The following PLA2G4E variants were observed in gnomAD, a reference collection of about 807,000 sequenced individuals.
PLA2G4E encodes phospholipase A2 group IVE.
A neutral mutation model predicts 109.1 loss-of-function variants in PLA2G4E; 84 were observed. That is an observed-to-expected ratio of 0.77 (90% CI 0.65 to 0.92). The LOEUF (loss-of-function observed/expected upper bound fraction) is 0.92, where lower values mean the gene tolerates loss of function less well. PLA2G4E is among the 40% of genes least tolerant of loss of function. The pLI is 0.00. For missense variants in PLA2G4E, 1,057 were observed against 1,076.6 expected, an observed-to-expected ratio of 0.98 and a Z score of 0.25; for synonymous variants, 469 against 436.1, an observed-to-expected ratio of 1.08 and a Z score of -0.94.
At chr15:42,028,966 A>G (rs1435908028) in intron 1 of PLA2G4E, among the ~76,000 whole-genome samples, 1 of 152,224 alleles carries the variant, frequency 6.6e-6, no homozygotes, top group African/African-American at 2.4e-5. Flanking sequence ...AAACATTACA[A>G]GAAAGGACCT....
chr15:41,994,755 T>C (rs1404175131), intron 12 of PLA2G4E, among the ~76,000 whole-genome samples: 1 of 152,262 alleles, frequency 6.6e-6, no homozygotes, highest in East Asian at 1.9e-4. Flanking sequence ...GACAAATGTA[T>C]TCATATTATT....
intron 11 of PLA2G4E, 129 bp from the exon 12 acceptor site, chr15:41,995,625 G>T: frequency 1.7e-6 from 2 of 1,209,138 alleles, no homozygotes; most frequent in Non-Finnish European, 2.3e-6. Flanking sequence ...CAGGGAGTGC[G>T]GCGTTGAGCC....
At chr15:42,035,458 C>T (rs1202056230) in intron 1 of PLA2G4E, among the ~76,000 whole-genome samples, 2 of 152,198 alleles carry the variant, frequency 1.3e-5, no homozygotes, top group African/African-American at 2.4e-5. Context: ...GACTCACCCT[C>T]GTTCTCCTGC....
At chr15:42,020,351 G>T (rs977899394) in intron 1 of PLA2G4E, among the ~76,000 whole-genome samples, 5 of 152,204 alleles carry the variant, frequency 3.3e-5, no homozygotes, top group African/African-American at 1.2e-4. Flanking sequence ...CTATTGCCTA[G>T]ATGGGGAAAC....
intron 1 of PLA2G4E, among the ~76,000 whole-genome samples, chr15:42,043,116 G>A (rs1889345475): frequency 6.6e-6 from 1 of 152,172 alleles, no homozygotes; most frequent in Non-Finnish European, 1.5e-5. Context: ...GCAAGCGGGG[G>A]TGGCTCTGGA....
Position 42,013,441 on chromosome 15 carries a change from G to A in PLA2G4E, c.256+244C>T, listed in dbSNP as rs188896442. 9.2e-5 allele frequency among the ~76,000 whole-genome samples: 14 copies of A among 152,344 alleles called. No homozygotes were observed. In the East Asian group the frequency reaches 2.5e-3, roughly 27 times the overall value. On this transcript the variant is annotated intron_variant, in intron 2 of 19. Coordinates refer to ENST00000399518, the Ensembl canonical transcript of PLA2G4E. ...AGGCACAGACTGCGGGGCAGGTAGC[G>A]CCGAGGGAACAGCATGAACAAGGGG...
At chr15:41,995,285 C>T in intron 12 of PLA2G4E, 75 bp downstream of exon 12, 2 of 1,551,814 alleles carry the variant, frequency 1.3e-6, no homozygotes, top group South Asian at 1.2e-5. Flanking sequence ...CGGGGAGGAG[C>T]TTCACCTGAG....
chr15:42,033,350 AC>A (rs1210909119), intron 1 of PLA2G4E, among the ~76,000 whole-genome samples: 6 of 152,074 alleles, frequency 3.9e-5, no homozygotes, highest in African/African-American at 1.4e-4. Context: ...AAGGCAAAAT[AC>A]CCTGGGGATT....
At chr15:41,992,316 C>A (rs368385959) in intron 13 of PLA2G4E, among the ~76,000 whole-genome samples, 94 of 152,246 alleles carry the variant, frequency 6.2e-4, no homozygotes, top group Middle Eastern at 3.4e-3. Context: ...GGCTGGAGGA[C>A]CCTCCAAGGG....
intron 1 of PLA2G4E, among the ~76,000 whole-genome samples, chr15:42,041,276 G>C (rs1427511286): frequency 6.6e-6 from 1 of 151,966 alleles, no homozygotes; most frequent in African/African-American, 2.4e-5. Context: ...TTGCCTGTTT[G>C]GTTTAATGAG....
At chr15:42,013,539 T>C (rs1213094863) in intron 2 of PLA2G4E, 146 bp downstream of exon 2, 1 of 713,766 alleles carries the variant, frequency 1.4e-6, no homozygotes, top group Non-Finnish European at 2.3e-6. Context: ...TGCACATACA[T>C]GCACACACAT....
In PLA2G4E at chr15:42,013,584, C is replaced by T. The variant is rs555210123; in HGVS notation, c.256+101G>A. 3.0e-4 allele frequency: 345 copies of T among 1,145,568 alleles called. 1 individual carries two copies. The highest frequency in any genetic ancestry group is 2.8e-3 in the Middle Eastern group (14 of 4,974). The allele number at this position is 1,145,568 out of a possible 1,614,324, so 71.0% of individuals were successfully genotyped here. ...CACCATGCACGTGCACACGTGCGCG[C>T]GCACACACACACACGGATCCACCTG... is the stretch of plus-strand genomic sequence containing the variant. On this transcript the variant is annotated intron_variant, in intron 2 of 19. Coordinates refer to ENST00000399518, the Ensembl canonical transcript of PLA2G4E.
At chr15:41,999,744 G>T (rs1449813161) in intron 9 of PLA2G4E, among the ~76,000 whole-genome samples, 173 bp downstream of exon 9, 2 of 152,026 alleles carry the variant, frequency 1.3e-5, no homozygotes, top group Non-Finnish European at 2.9e-5. Context: ...TACACTCTTT[G>T]GACCACACTG....
chr15:42,011,426 C>T (rs1347135791), intron 2 of PLA2G4E, among the ~76,000 whole-genome samples: 1 of 152,204 alleles, frequency 6.6e-6, no homozygotes, highest in Non-Finnish European at 1.5e-5. Flanking sequence ...AGACACACCT[C>T]AAAAGGAGTT....
intron 1 of PLA2G4E, among the ~76,000 whole-genome samples, chr15:42,046,739 T>C (rs575867769): frequency 3.5e-4 from 53 of 152,334 alleles, no homozygotes; most frequent in Admixed American, 1.8e-3. Context: ...GCTCAGTAAA[T>C]ATTTGTTCAA....
At chr15:42,009,518 G>C (rs12439677) in intron 2 of PLA2G4E, among the ~76,000 whole-genome samples, 58,668 of 151,972 alleles carry the variant, frequency 0.39, 11,911 homozygotes, top group South Asian at 0.59. Flanking sequence ...TCCTCCAGGG[G>C]CTCCCTTCTG....
chr15:42,013,042 G>T (rs1415547955), intron 2 of PLA2G4E, among the ~76,000 whole-genome samples: 2 of 152,170 alleles, frequency 1.3e-5, no homozygotes, highest in African/African-American at 4.8e-5. Context: ...GCCTCCATTG[G>T]CCCCCGTGGC....
chr15:41,988,126 A>G, exon 16 of PLA2G4E: 1 of 1,603,700 alleles, frequency 6.2e-7, no homozygotes, highest in Non-Finnish European at 8.5e-7. Flanking sequence ...GGCATCCAGC[A>G]GGTTCAGGGA....
intron 1 of PLA2G4E, among the ~76,000 whole-genome samples, chr15:42,024,138 GGAGCA>G (rs67271164): frequency 0.47 from 70,963 of 151,408 alleles, 17,738 homozygotes; most frequent in African/African-American, 0.64. Flanking sequence ...GGATGGGAGG[GGAGCA>G]GAGCAGAGGA....
Sources: gnomAD v4.1 joint callset for allele counts (sites outside exome capture counted in the v4.1 genomes callset) on GRCh38, gnomAD v4.1.1 for gene constraint, MANE v1.5 for transcripts, NCBI Gene and HGNC (gene_info 2026-07-23, HGNC 2026-07-21) for gene names.